Variants in EFCAB13 observed in about 807,000 individuals in gnomAD.
The protein encoded by EFCAB13 is EF-hand calcium-binding domain-containing protein 13.
In EFCAB13, 91 loss-of-function variants were observed where a neutral mutation model predicts 110.2. The ratio of observed to expected loss-of-function variants is 0.83; its 90% CI spans 0.70 to 0.98. The LOEUF is 0.98. EFCAB13 is among the 50% of genes least tolerant of loss of function. EFCAB13 has a pLI of 0.00. For missense variants in EFCAB13, 968 were observed against 1,119.4 expected (o/e 0.86, Z 1.93); for synonymous variants, 323 against 369.9 (o/e 0.87, Z 1.45).
intron 12 of EFCAB13, among the ~76,000 whole-genome samples, chr17:47,375,483 C>CG (rs113394376): frequency 1.2e-4 from 18 of 150,294 alleles, no homozygotes; most frequent in Non-Finnish European, 2.5e-4. Context: ...TTCATAGAGA[C>CG]GGGGGTCCCA....
chr17:47,409,177 T>TTTAC (rs988789691), intron 20 of EFCAB13: 5 of 153,618 alleles, frequency 3.3e-5, no homozygotes, highest in African/African-American at 1.2e-4. Context: ...TGCATCTCTG[T>TTTAC]AGGAAGTATG....
At chr17:47,430,518 G>A (rs1905093792) in intron 24 of EFCAB13, 1 of 152,076 alleles carries the variant, frequency 6.6e-6, no homozygotes, top group Admixed American at 6.5e-5. Flanking sequence ...GAATTCATAG[G>A]TGAAGCCATG....
intron 5 of EFCAB13, among the ~76,000 whole-genome samples, chr17:47,338,598 A>G (rs2065365337): frequency 6.6e-6 from 1 of 151,870 alleles, no homozygotes; most frequent in Admixed American, 6.6e-5. Flanking sequence ...AGAATTGAAA[A>G]CATTAGAGTG....
chr17:47,398,226 C>T lies in EFCAB13; in HGVS notation c.1945+2249C>T, dbSNP rs1484468083. ...CCTCTGCCCGGCCAGCCGCCCCGTC[C>T]GGGAGGGAGGTGGGGGGGTCAGCCC... On this transcript the variant is annotated intron_variant, in intron 17 of 24. Coordinates refer to ENST00000331493, the MANE Select transcript of EFCAB13 (RefSeq NM_152347.5). Among the ~76,000 whole-genome samples, 320 of 142,028 alleles carry T rather than the reference C, an allele frequency of 2.3e-3. 10 individuals carry two copies. Among genetic ancestry groups the T allele is most frequent in the African/African-American group, 6.8e-3 (258 of 38,082 alleles). The allele number at this position is 142,028 out of a possible 152,430, so 93.2% of individuals were successfully genotyped here.
intron 7 of EFCAB13, 65 bp downstream of exon 7, chr17:47,344,357 A>G: frequency 1.3e-6 from 2 of 1,537,968 alleles, no homozygotes; most frequent in Non-Finnish European, 1.8e-6. Flanking sequence ...TCTCTCCAGA[A>G]TCATTTATCC....
intron 18 of EFCAB13, among the ~76,000 whole-genome samples, chr17:47,403,068 C>T (rs947263782): frequency 3.9e-5 from 6 of 152,114 alleles, no homozygotes; most frequent in African/African-American, 1.4e-4. Flanking sequence ...GTCAGCAAAG[C>T]TCAGATTGCC....
chr17:47,409,675 A>G lies in EFCAB13; in HGVS notation c.2262A>G (p.Lys754=), dbSNP rs762069642. 1 of 1,611,274 alleles carries G rather than the reference A, an allele frequency of 6.2e-7. No individual in the cohort carries two copies. The highest frequency in any genetic ancestry group is 8.5e-7 in the Non-Finnish European group (1 of 1,177,606). The change falls in exon 21 of 25, where the codon AAA becomes AAG. Residue 754 remains lysine (K), a synonymous_variant. Coordinates refer to ENST00000331493, the MANE Select transcript of EFCAB13 (RefSeq NM_152347.5). ...IDFRKEASNL[K]LPKVNEIKEA... ...TCAGGAAAGAGGCTTCAAATCTAAA[A>G]TTACCAAAGGTAAACGGTGAGTAAG...
chr17:47,384,235 A>C (rs1242372750), intron 14 of EFCAB13, among the ~76,000 whole-genome samples: 1 of 147,872 alleles, frequency 6.8e-6, no homozygotes, highest in Non-Finnish European at 1.5e-5. Context: ...GTGTCTTTGC[A>C]TGTGAGATGG....
At chr17:47,422,352 A>G (rs1598763526) in intron 23 of EFCAB13, among the ~76,000 whole-genome samples, 1 of 152,182 alleles carries the variant, frequency 6.6e-6, no homozygotes, top group African/African-American at 2.4e-5. Context: ...TACTATCATC[A>G]CTTCTGTTCA....
In EFCAB13 at chr17:47,374,519, T is replaced by G; in HGVS notation, c.925T>G (p.Leu309Val). Reference sequence around the variant, plus strand: ...GAATGAAATTACTTCAGACAGAAAGTTATCAAGTGTAGCAGGATGCTATCT... The same window carrying G: ...GAATGAAATTACTTCAGACAGAAAGGTATCAAGTGTAGCAGGATGCTATCT... Reference protein sequence around the residue: ...PLNEITSDRKLSSVAGCYLKY... With the variant: ...PLNEITSDRKVSSVAGCYLKY... The change falls in exon 12 of 25, where the codon TTA (leucine) becomes GTA (valine). Residue 309 changes from leucine (L) to valine (V), a missense_variant. Physicochemically the swap from Leu to Val is conservative, Grantham distance 32. Transcript: ENST00000331493. The G allele has an allele frequency of 6.4e-7, 1 of 1,560,116 alleles. No homozygotes were observed. Among genetic ancestry groups the G allele is most frequent in the Non-Finnish European group, 8.6e-7 (1 of 1,160,880 alleles).
intron 5 of EFCAB13, among the ~76,000 whole-genome samples, chr17:47,338,470 G>T (rs987374423): frequency 6.6e-6 from 1 of 151,786 alleles, no homozygotes; most frequent in Non-Finnish European, 1.5e-5. Context: ...GGCTGGTCTT[G>T]AACTCCTGGC....
chr17:47,333,266 C>T (rs570568223), intron 4 of EFCAB13, among the ~76,000 whole-genome samples: 51 of 152,278 alleles, frequency 3.3e-4, no homozygotes, highest in African/African-American at 1.2e-3. Flanking sequence ...AGATCCTTCA[C>T]ACATTTTTTG....
chr17:47,325,030 C>CCCCCCCTTTTTTTTTTTTT (rs1187065378), intron 2 of EFCAB13, among the ~76,000 whole-genome samples: 1 of 116,718 alleles, frequency 8.6e-6, no homozygotes, highest in Non-Finnish European at 1.9e-5. Context: ...CCCCACCCCC[C>CCCCCCCTTTTTTTTTTTTT]TTTTTTTTTT....
intron 4 of EFCAB13, 90 bp from the exon 5 acceptor site, chr17:47,335,106 C>T (rs1248164964): frequency 7.5e-7 from 1 of 1,324,886 alleles, no homozygotes; most frequent in Non-Finnish European, 1.0e-6. Flanking sequence ...GAAAGAATAT[C>T]AATCTAAAAT....
intron 14 of EFCAB13, among the ~76,000 whole-genome samples, chr17:47,388,914 G>T (rs2065690870): frequency 6.7e-6 from 1 of 148,850 alleles, no homozygotes; most frequent in Non-Finnish European, 1.5e-5. Flanking sequence ...CTCAACACTT[G>T]ATTTTTTTTT....
At chr17:47,362,375 G>A (rs1356076001) in intron 10 of EFCAB13, among the ~76,000 whole-genome samples, 1 of 152,150 alleles carries the variant, frequency 6.6e-6, no homozygotes, top group Non-Finnish European at 1.5e-5. Flanking sequence ...CCACCAGAGG[G>A]CTCCTTGGTC....
chr17:47,409,138 C>T (rs990776345), intron 20 of EFCAB13, among the ~76,000 whole-genome samples: 10 of 151,762 alleles, frequency 6.6e-5, no homozygotes, highest in African/African-American at 2.2e-4. Flanking sequence ...TTATTTCTAT[C>T]GTTTGTTCCT....
At chr17:47,424,650 A>C (rs943381661) in intron 23 of EFCAB13, among the ~76,000 whole-genome samples, 1 of 151,876 alleles carries the variant, frequency 6.6e-6, no homozygotes, top group Non-Finnish European at 1.5e-5. Flanking sequence ...GATGGCATGA[A>C]TTCTTCAGCA....
At chr17:47,392,182 T>TA (rs1212477062) in intron 15 of EFCAB13, among the ~76,000 whole-genome samples, 6 of 151,996 alleles carry the variant, frequency 3.9e-5, no homozygotes, top group Non-Finnish European at 7.4e-5. Context: ...TAATAAAAAG[T>TA]AAAAAAAGGA....
Sources: gnomAD v4.1 joint callset for allele counts (sites outside exome capture counted in the v4.1 genomes callset) on GRCh38, gnomAD v4.1.1 for gene constraint, MANE v1.5 for transcripts, NCBI Gene and HGNC (gene_info 2026-07-23, HGNC 2026-07-21) for gene names.